Variants in NDST4 observed in about 807,000 individuals in gnomAD.
The protein encoded by NDST4 is N-deacetylase and N-sulfotransferase 4.
NDST4 carries 63 observed loss-of-function variants against 100.8 expected under a neutral mutation model. The ratio of observed to expected loss-of-function variants is 0.62; its 90% CI spans 0.51 to 0.77. NDST4 has a LOEUF of 0.77. Among genes scored for constraint, NDST4 ranks in the 30% least tolerant of loss-of-function variants. The pLI, the probability that NDST4 is intolerant of heterozygous loss-of-function variation, is 0.00. For synonymous variants in NDST4, 377 were observed against 361.8 expected, an observed-to-expected ratio of 1.04 and a Z score of -0.48; for missense variants, 943 against 1,018.4, an observed-to-expected ratio of 0.93 and a Z score of 1.01.
chr4:115,091,786 C>CAT (rs1325905857), intron 1 of NDST4, among the ~76,000 whole-genome samples: 1 of 152,066 alleles, frequency 6.6e-6, no homozygotes, highest in African/African-American at 2.4e-5. Context: ...GTAAAATGCA[C>CAT]ATATATATAA....
intron 2 of NDST4, among the ~76,000 whole-genome samples, chr4:114,980,548 A>T (rs1726744214): frequency 6.6e-6 from 1 of 152,198 alleles, no homozygotes; most frequent in Non-Finnish European, 1.5e-5. Context: ...AGGCTGAGTC[A>T]GGAGAATCAC....
intron 2 of NDST4, among the ~76,000 whole-genome samples, chr4:115,006,327 AATG>A (rs1270701773): frequency 2.0e-5 from 3 of 152,034 alleles, no homozygotes; most frequent in Non-Finnish European, 2.9e-5. Context: ...TAATCAGGGG[AATG>A]ATGATGATCA....
chr4:115,050,459 A>C (rs559448208), intron 2 of NDST4, among the ~76,000 whole-genome samples: 2 of 151,962 alleles, frequency 1.3e-5, no homozygotes, highest in Non-Finnish European at 2.9e-5. Context: ...TTTAGAATGT[A>C]AGATTGTTGG....
chr4:114,863,960 A>C (rs1723971656), intron 7 of NDST4, among the ~76,000 whole-genome samples: 1 of 152,240 alleles, frequency 6.6e-6, no homozygotes, highest in African/African-American at 2.4e-5. Context: ...GCTAAAAAGA[A>C]CATAGATTGA....
chr4:114,914,608 T>C (rs1560810008), intron 6 of NDST4, among the ~76,000 whole-genome samples: 1 of 152,284 alleles, frequency 6.6e-6, no homozygotes, highest in Non-Finnish European at 1.5e-5. Flanking sequence ...GTGTAGACTA[T>C]GGGGAACATT....
intron 11 of NDST4, 124 bp downstream of exon 11, chr4:114,839,254 C>T: frequency 1.3e-6 from 1 of 785,182 alleles, no homozygotes; most frequent in East Asian, 2.8e-5. Context: ...TTCCCATTTT[C>T]TGCTTGTCAG....
intron 3 of NDST4, among the ~76,000 whole-genome samples, chr4:114,973,161 C>T (rs902190884): frequency 1.3e-5 from 2 of 152,016 alleles, no homozygotes; most frequent in African/African-American, 4.8e-5. Context: ...GAAAGTATTA[C>T]ATTTTGGACT....
At chr4:114,969,130 G>C (rs1726447660) in intron 4 of NDST4, among the ~76,000 whole-genome samples, 1 of 151,862 alleles carries the variant, frequency 6.6e-6, no homozygotes, top group Non-Finnish European at 1.5e-5. Context: ...GGGCTAAAAC[G>C]GTGAAACCCC....
chr4:114,967,796 A>T (rs1036240893), intron 4 of NDST4, among the ~76,000 whole-genome samples: 1 of 146,636 alleles, frequency 6.8e-6, no homozygotes, highest in African/African-American at 2.6e-5. Flanking sequence ...TTTAAAAAAA[A>T]TTAGGTGTTT....
rs1726934536 is a variant in NDST4, at chr4:114,987,227, CAG to C, written c.979-9955_979-9954del. 2.6e-5 allele frequency among the ~76,000 whole-genome samples: 4 copies of C among 152,034 alleles called. No homozygotes were observed. In the South Asian group the frequency reaches 8.3e-4, roughly 32 times the overall value. On this transcript the variant is annotated intron_variant, in intron 2 of 13. Coordinates refer to ENST00000264363, the MANE Select transcript of NDST4 (RefSeq NM_022569.3). ...AATCAAGTCAAAATCTTTTTTGGGT[CAG>C]AGTGGGAGACAAGGAGTTTATAACA...
At chr4:114,871,322 A>T (rs553096025) in intron 6 of NDST4, among the ~76,000 whole-genome samples, 1 of 152,230 alleles carries the variant, frequency 6.6e-6, no homozygotes, top group African/African-American at 2.4e-5. Flanking sequence ...CCTGGTGTAG[A>T]TATGTGTACA....
At chr4:114,991,084 G>GGA (rs147682279) in intron 2 of NDST4, among the ~76,000 whole-genome samples, 5,001 of 152,040 alleles carry the variant, frequency 0.033, 282 homozygotes, top group African/African-American at 0.11. Context: ...TCAAACCCTG[G>GGA]GAGAAGATGA....
chr4:114,844,783 C>T (rs1371173820), intron 10 of NDST4, among the ~76,000 whole-genome samples: 1 of 152,128 alleles, frequency 6.6e-6, no homozygotes, highest in South Asian at 2.1e-4. Flanking sequence ...TGAACACTTT[C>T]CTCTTGTTAT....
chr4:114,929,342 T>C (rs1266424366), intron 6 of NDST4, among the ~76,000 whole-genome samples: 3 of 152,156 alleles, frequency 2.0e-5, no homozygotes, highest in Non-Finnish European at 2.9e-5. Flanking sequence ...AGGCTATGCA[T>C]AGTCCTTGTT....
intron 2 of NDST4, among the ~76,000 whole-genome samples, chr4:115,043,616 G>GGACT (rs1728399980): frequency 6.6e-6 from 1 of 151,984 alleles, no homozygotes; most frequent in Admixed American, 6.6e-5. Flanking sequence ...AATCAACCAA[G>GGACT]GACTGATTGG....
intron 12 of NDST4, among the ~76,000 whole-genome samples, chr4:114,831,277 C>T (rs1349649022): frequency 1.3e-5 from 2 of 151,806 alleles, no homozygotes; most frequent in Non-Finnish European, 2.9e-5. Flanking sequence ...TGGTCTCGAT[C>T]TCCTGACCTC....
intron 6 of NDST4, among the ~76,000 whole-genome samples, chr4:114,897,737 T>C (rs977066681): frequency 2.0e-5 from 3 of 152,184 alleles, no homozygotes; most frequent in Non-Finnish European, 4.4e-5. Context: ...TCACCAGCAT[T>C]TGGTATTGTC....
At chr4:114,974,200 G>A (rs1297448155) in intron 3 of NDST4, among the ~76,000 whole-genome samples, 1 of 151,894 alleles carries the variant, frequency 6.6e-6, no homozygotes, top group Non-Finnish European at 1.5e-5. Flanking sequence ...CTGGCAAAAT[G>A]TCAGAATCTG....
intron 10 of NDST4, among the ~76,000 whole-genome samples, chr4:114,843,176 A>G (rs1049412096): frequency 6.6e-6 from 1 of 152,164 alleles, no homozygotes; most frequent in South Asian, 2.1e-4. Context: ...TTGTATACAT[A>G]TTTCGTTTTA....
Sources: allele counts gnomAD v4.1 joint callset (sites outside exome capture counted in the v4.1 genomes callset), GRCh38; gene constraint gnomAD v4.1.1; transcripts MANE v1.5; gene names NCBI Gene and HGNC (gene_info 2026-07-23, HGNC 2026-07-21).